Variants in DNAH3 observed in about 807,000 individuals in gnomAD.
DNAH3 encodes the protein dynein axonemal heavy chain 3, also known as axonemal beta dynein heavy chain 3.
DNAH3 carries 332 observed loss-of-function variants against 432.5 expected under a neutral mutation model. That is an observed-to-expected ratio of 0.77 (90% CI 0.70 to 0.84). The LOEUF (loss-of-function observed/expected upper bound fraction) is 0.84. DNAH3 is among the 40% of genes least tolerant of loss of function. The pLI is 0.00. For synonymous variants in DNAH3, 1,956 were observed against 1,900.2 expected (o/e 1.03, Z -0.76); for missense variants, 4,861 against 5,114.0 (o/e 0.95, Z 1.51).
chr16:21,116,278 A>C (rs764718743), intron 12 of DNAH3, among the ~76,000 whole-genome samples: 6 of 151,350 alleles, frequency 4.0e-5, no homozygotes, highest in Non-Finnish European at 7.4e-5. Context: ...TTTCATCTTG[A>C]ATTGTGGTTC....
chr16:21,118,574 A>G (rs2092262068), intron 11 of DNAH3, among the ~76,000 whole-genome samples: 1 of 152,186 alleles, frequency 6.6e-6, no homozygotes, highest in Admixed American at 6.5e-5. Flanking sequence ...CTGGAGCTAC[A>G]GGTGCCTGCG....
At chr16:20,988,390 A>G (rs1355296653) in intron 44 of DNAH3, among the ~76,000 whole-genome samples, 2 of 152,134 alleles carry the variant, frequency 1.3e-5, no homozygotes, top group Non-Finnish European at 2.9e-5. Context: ...TTTAGTGCTC[A>G]TTATTATATC....
chr16:21,071,197 C>T (rs2090768245), intron 21 of DNAH3, among the ~76,000 whole-genome samples: 2 of 152,092 alleles, frequency 1.3e-5, no homozygotes, highest in Admixed American at 1.3e-4. Flanking sequence ...CAAATGACAC[C>T]ACGCCCTGCT....
intron 48 of DNAH3, among the ~76,000 whole-genome samples, chr16:20,983,088 G>A (rs1316827305): frequency 6.6e-6 from 1 of 151,950 alleles, no homozygotes; most frequent in African/African-American, 2.4e-5. Flanking sequence ...AACTTTGTGA[G>A]GAGCCCATTA....
chr16:21,094,590 G>A (rs552225599), intron 18 of DNAH3, among the ~76,000 whole-genome samples: 1 of 152,096 alleles, frequency 6.6e-6, no homozygotes, highest in South Asian at 2.1e-4. Flanking sequence ...AGAATTGCTT[G>A]AACCCAGGAG....
chr16:20,984,780 G>A (rs895828297), intron 48 of DNAH3, among the ~76,000 whole-genome samples: 1 of 152,028 alleles, frequency 6.6e-6, no homozygotes, highest in East Asian at 1.9e-4. Flanking sequence ...CACCAGAATC[G>A]CTTGAAACTG....
chr16:20,933,197 C>G, exon 62 of DNAH3: 1 of 1,614,224 alleles, frequency 6.2e-7, no homozygotes, highest in East Asian at 2.2e-5. Flanking sequence ...TCGGTTTATC[C>G]AGTGCTTCTG....
chr16:21,149,244 GAAAGAA>G (rs2092824055), intron 1 of DNAH3, among the ~76,000 whole-genome samples: 16 of 150,234 alleles, frequency 1.1e-4, no homozygotes, highest in Non-Finnish European at 2.1e-4. Flanking sequence ...AAAAAAGAAA[GAAAGAA>G]AAAGAAAGAA....
At chr16:21,028,160 ATTTTTTGTTTTTTG>A (rs931606353) in intron 37 of DNAH3, among the ~76,000 whole-genome samples, 1 of 151,674 alleles carries the variant, frequency 6.6e-6, no homozygotes, top group Non-Finnish European at 1.5e-5. Flanking sequence ...CTAGTTTTTT[ATTTTTTGTTTTTTG>A]TTTTTAGATT....
At chr16:20,956,303 G>C (rs1194623131) in intron 54 of DNAH3, among the ~76,000 whole-genome samples, 1 of 152,164 alleles carries the variant, frequency 6.6e-6, no homozygotes, top group African/African-American at 2.4e-5. Flanking sequence ...AAAATTGTTA[G>C]AAAGTCTGAT....
In DNAH3 at chr16:21,153,389, G is replaced by A. The variant is rs2092875595; in HGVS notation, c.117+5936C>T. Among the ~76,000 whole-genome samples the A allele has an allele frequency of 2.6e-5, 4 of 152,130 alleles. No homozygotes were observed. In the South Asian group the frequency reaches 8.3e-4, roughly 32 times the overall value. Reference sequence around the variant, plus strand: ...CCTTTGTGTGGACACTCTGTGTCTAGCTAATCTGGTGGGGACTTGGAGAAC... The same window carrying A: ...CCTTTGTGTGGACACTCTGTGTCTAACTAATCTGGTGGGGACTTGGAGAAC... On this transcript the variant is annotated intron_variant, in intron 1 of 61. Coordinates refer to ENST00000261383, the Ensembl canonical transcript of DNAH3.
chr16:20,981,418 T>C (rs1406995781), intron 49 of DNAH3, among the ~76,000 whole-genome samples: 2 of 152,164 alleles, frequency 1.3e-5, no homozygotes, highest in African/African-American at 2.4e-5. Flanking sequence ...TACTTCCTCA[T>C]TTTTCATCCA....
At chr16:20,964,371 G>A (rs1009015550) in exon 53 of DNAH3, 54 of 1,614,040 alleles carry the variant, frequency 3.3e-5, no homozygotes, top group Non-Finnish European at 4.4e-5. Context: ...GGGTTGTGAT[G>A]TATAACTTAA....
At chr16:21,065,091 ATTAG>A (rs772904010) in intron 24 of DNAH3, among the ~76,000 whole-genome samples, 9 of 152,168 alleles carry the variant, frequency 5.9e-5, no homozygotes, top group Non-Finnish European at 1.0e-4. Flanking sequence ...CAAAGATTAA[ATTAG>A]TTAGTTAGTA....
rs1424730380 is a variant in DNAH3 at position 21,039,956 on chromosome 16, C to T, written c.4639-13G>A. 1.2e-6 allele frequency: 2 copies of T among 1,607,380 alleles called. No homozygotes were observed. Among genetic ancestry groups the T allele is most frequent in the Non-Finnish European group, 1.7e-6 (2 of 1,174,256 alleles). On this transcript the variant is annotated splice_polypyrimidine_tract_variant and intron_variant, in intron 32 of 61. Transcript: ENST00000261383. ...TCCGGAACAAGGCCTGGAAAAGAAA[C>T]AACAAATCAGAATCGGAACACGTGC...
At chr16:21,088,008 G>A in intron 18 of DNAH3, among the ~76,000 whole-genome samples, 1 of 151,942 alleles carries the variant, frequency 6.6e-6, no homozygotes, top group East Asian at 1.9e-4. Context: ...TAGCATTTGG[G>A]TTTCACATCC....
chr16:21,070,958 C>G (rs2090758380), intron 21 of DNAH3, 132 bp from the exon 22 acceptor site: 1 of 598,572 alleles, frequency 1.7e-6, no homozygotes, highest in Non-Finnish European at 3.0e-6. Context: ...AATCCTAGCT[C>G]ACTGCAGCCT....
chr16:20,974,528 T>C (rs2085485525), intron 51 of DNAH3, among the ~76,000 whole-genome samples: 1 of 150,550 alleles, frequency 6.6e-6, no homozygotes, highest in Non-Finnish European at 1.5e-5. Context: ...ATCAGCCTCC[T>C]GAGTAGCTGG....
At position 20,973,226 on chromosome 16, in the gene DNAH3, C is replaced by CA. The variant is rs557840701; in HGVS notation, c.8259+2006dup. 1.1e-4 allele frequency among the ~76,000 whole-genome samples: 17 copies of CA among 152,174 alleles called. No homozygotes were observed. In the East Asian group the frequency reaches 2.7e-3, roughly 24 times the overall value. On this transcript the variant is annotated intron_variant, in intron 51 of 61. Coordinates refer to ENST00000261383, the Ensembl canonical transcript of DNAH3. ...ATTTACCACTGAACCTCAATGCTGT[C>CA]AACTCTCATATGCCCATGTCTGTCA...
Sources: gnomAD v4.1 joint callset for allele counts (sites outside exome capture counted in the v4.1 genomes callset) on GRCh38, gnomAD v4.1.1 for gene constraint, MANE v1.5 for transcripts, NCBI Gene and HGNC (gene_info 2026-07-23, HGNC 2026-07-21) for gene names.